Variants in PTPRT observed in about 807,000 individuals in gnomAD.
PTPRT encodes protein tyrosine phosphatase receptor type T.
A neutral mutation model predicts 176.8 loss-of-function variants in PTPRT; 56 were observed. That is an observed-to-expected ratio of 0.32 (90% CI 0.26 to 0.40). The LOEUF (loss-of-function observed/expected upper bound fraction) is 0.40, where lower values mean the gene tolerates loss of function less well. PTPRT is among the 10% of genes least tolerant of loss of function. The pLI, the probability that PTPRT is intolerant of heterozygous loss-of-function variation, is 1.00. For missense variants in PTPRT, 1,540 were observed against 1,908.2 expected (o/e 0.81, Z 3.60); for synonymous variants, 783 against 739.0 (o/e 1.06, Z -0.96).
chr20:42,600,577 C>T (rs6093693), intron 7 of PTPRT, among the ~76,000 whole-genome samples: 38,012 of 152,002 alleles, frequency 0.25, 5,143 homozygotes, highest in Non-Finnish European at 0.3. Flanking sequence ...GTGTACATTG[C>T]GCCGATAGGT....
chr20:42,679,714 GAT>G (rs928612819), intron 6 of PTPRT, among the ~76,000 whole-genome samples: 4 of 131,354 alleles, frequency 3.0e-5, no homozygotes, highest in African/African-American at 8.2e-5. Flanking sequence ...ATATTGTAAG[GAT>G]TTTTTTTTTC....
chr20:42,551,823 G>C (rs1019707551), intron 7 of PTPRT, among the ~76,000 whole-genome samples: 2 of 152,096 alleles, frequency 1.3e-5, no homozygotes, highest in African/African-American at 4.8e-5. Flanking sequence ...CCACATCCTT[G>C]AGTACTTTGT....
intron 11 of PTPRT, among the ~76,000 whole-genome samples, chr20:42,348,437 C>T (rs2058228708): frequency 6.6e-6 from 1 of 151,216 alleles, no homozygotes; most frequent in Non-Finnish European, 1.5e-5. Context: ...ATATATCATG[C>T]ACACCTTTCT....
chr20:42,250,138 C>T (rs1466801798), intron 13 of PTPRT, among the ~76,000 whole-genome samples: 1 of 152,192 alleles, frequency 6.6e-6, no homozygotes, highest in African/African-American at 2.4e-5. Flanking sequence ...TCTTTTACTA[C>T]AATGCACCAA....
intron 2 of PTPRT, among the ~76,000 whole-genome samples, chr20:42,871,005 C>T (rs368616888): frequency 6.0e-5 from 9 of 150,612 alleles, no homozygotes; most frequent in East Asian, 3.9e-4. Context: ...GGCTAGAGTG[C>T]AGTGGCACAA....
At chr20:42,428,007 T>C (rs2059181906) in intron 9 of PTPRT, among the ~76,000 whole-genome samples, 1 of 152,332 alleles carries the variant, frequency 6.6e-6, no homozygotes, top group Non-Finnish European at 1.5e-5. Context: ...TGACTCTCTT[T>C]TGGGACTCAG....
chr20:42,337,157 C>T (rs1313411055), intron 11 of PTPRT, among the ~76,000 whole-genome samples: 1 of 150,806 alleles, frequency 6.6e-6, no homozygotes, highest in Admixed American at 6.6e-5. Context: ...TTTAGAAGCC[C>T]CCCCTTCCCT....
rs73106494 is a variant in PTPRT, at chr20:42,610,773, T to A, written c.1153+67093A>T. Among the ~76,000 whole-genome samples, 1,027 of 152,342 alleles carry A rather than the reference T, an allele frequency of 6.7e-3. 4 individuals carry two copies. The highest frequency in any genetic ancestry group is 0.012 in the Non-Finnish European group (796 of 68,026). On this transcript the variant is annotated intron_variant, in intron 7 of 30. Transcript: ENST00000373187. The stretch of plus-strand genomic sequence containing the variant: ...AGTGAATTATCGTATATTCACATAG[T>A]TATGCAGCCATCATTGTAAGTCAAT...
intron 7 of PTPRT, among the ~76,000 whole-genome samples, chr20:42,542,797 T>C (rs991140721): frequency 6.6e-6 from 1 of 152,214 alleles, no homozygotes; most frequent in Non-Finnish European, 1.5e-5. Context: ...CATGAAATCA[T>C]AGCCATTTTA....
chr20:43,131,250 T>C (rs1436078974), intron 1 of PTPRT, among the ~76,000 whole-genome samples: 1 of 152,208 alleles, frequency 6.6e-6, no homozygotes, highest in Non-Finnish European at 1.5e-5. Flanking sequence ...TGACACAGCT[T>C]CAGGGAAGCA....
intron 8 of PTPRT, among the ~76,000 whole-genome samples, chr20:42,464,592 A>G (rs1175397261): frequency 3.9e-5 from 6 of 152,180 alleles, no homozygotes; most frequent in Non-Finnish European, 8.8e-5. Flanking sequence ...TGCACTTGAA[A>G]AACATAATTG....
chr20:42,322,052 A>G (rs979944424), intron 11 of PTPRT, among the ~76,000 whole-genome samples: 2 of 152,166 alleles, frequency 1.3e-5, no homozygotes, highest in African/African-American at 4.8e-5. Flanking sequence ...AGCCTGGGTA[A>G]CAGAGCAAGA....
At chr20:42,686,596 G>A (rs1454489470) in intron 6 of PTPRT, among the ~76,000 whole-genome samples, 1 of 147,958 alleles carries the variant, frequency 6.8e-6, no homozygotes, top group East Asian at 2.1e-4. Context: ...TGATTCTCCT[G>A]CCTCAGCCTC....
intron 2 of PTPRT, among the ~76,000 whole-genome samples, chr20:42,860,440 T>C (rs887984390): frequency 6.6e-6 from 1 of 152,226 alleles, no homozygotes. Flanking sequence ...TTTTATAACA[T>C]TGCTTATACA....
intron 23 of PTPRT, among the ~76,000 whole-genome samples, chr20:42,108,288 A>ATATT (rs1287688701): frequency 1.3e-5 from 2 of 152,160 alleles, no homozygotes; most frequent in Non-Finnish European, 2.9e-5. Context: ...TGAACACAGG[A>ATATT]TATTTGAAAA....
chr20:43,121,793 A>G (rs573691830), intron 1 of PTPRT, among the ~76,000 whole-genome samples: 58 of 152,344 alleles, frequency 3.8e-4, no homozygotes, highest in Admixed American at 7.2e-4. Context: ...AAACTTGAGT[A>G]GGAATTTCCT....
intron 2 of PTPRT, among the ~76,000 whole-genome samples, chr20:42,857,806 C>G (rs544876315): frequency 6.6e-6 from 1 of 152,316 alleles, no homozygotes; most frequent in East Asian, 1.9e-4. Context: ...AGCCCACAAG[C>G]AAGAGTTAAA....
At position 42,935,675 on chromosome 20, in the gene PTPRT, T is replaced by C. The variant is rs561340961; in HGVS notation, c.89-49743A>G. ...TTTTTCAAAAAGTATTTAATGACTGTCTGCTATGGACCAAACATTTCTCGT... is the reference window on the plus strand; with the variant it reads ...TTTTTCAAAAAGTATTTAATGACTGCCTGCTATGGACCAAACATTTCTCGT... On this transcript the variant is annotated intron_variant, in intron 1 of 30. Transcript: ENST00000373187. 2.6e-5 allele frequency among the ~76,000 whole-genome samples: 4 copies of C among 152,332 alleles called. No homozygotes were observed. The East Asian group carries it at 7.7e-4, about 29-fold the overall frequency.
chr20:42,621,538 T>C (rs7361360), intron 7 of PTPRT, among the ~76,000 whole-genome samples: 31,475 of 152,216 alleles, frequency 0.21, 4,515 homozygotes, highest in African/African-American at 0.41. Context: ...AGGGGCCGCT[T>C]GGCAAGCATA....
Sources: allele counts gnomAD v4.1 joint callset (sites outside exome capture counted in the v4.1 genomes callset), GRCh38; gene constraint gnomAD v4.1.1; transcripts MANE v1.5; gene names NCBI Gene and HGNC (gene_info 2026-07-23, HGNC 2026-07-21).